TDRD1: variants seen among roughly 807,000 people sequenced by gnomAD.
TDRD1 encodes the protein tudor domain-containing protein 1.
In TDRD1, 37 loss-of-function variants were observed where a neutral mutation model predicts 140.6. The ratio of observed to expected loss-of-function variants is 0.26; its 90% confidence interval spans 0.20 to 0.35. The LOEUF (loss-of-function observed/expected upper bound fraction) is 0.35. TDRD1 is among the 10% of genes least tolerant of loss of function. The probability of loss-of-function intolerance (pLI) is 1.00; values close to 1 mark genes in which losing one functional copy is unlikely to be tolerated. For missense variants in TDRD1, 1,243 were observed against 1,393.0 expected, an observed-to-expected ratio of 0.89 and a Z score of 1.71; for synonymous variants, 506 against 475.7, an observed-to-expected ratio of 1.06 and a Z score of -0.83.
intron 3 of TDRD1, 72 bp from the exon 4 acceptor site, chr10:114,199,101 A>C: frequency 6.7e-7 from 1 of 1,495,198 alleles, no homozygotes. Flanking sequence ...TATCTGAAGT[A>C]GTCCCAAATC....
In TDRD1 at chr10:114,203,571, A is replaced by G; in HGVS notation, c.981+4A>G. 6.3e-7 allele frequency: 1 copy of G among 1,592,844 alleles called. No homozygotes were observed. Among genetic ancestry groups the G allele is most frequent in the Non-Finnish European group, 8.5e-7 (1 of 1,172,168 alleles). The stretch of plus-strand genomic sequence containing the variant: ...TGCCAAGTACACTGTTGATCAGGTA[A>G]CCTGTAATGAAATGAATTATTTAAA... On this transcript the variant is annotated splice_donor_region_variant and intron_variant, in intron 8 of 25. Transcript: ENST00000251864.
exon 9 of TDRD1, chr10:114,204,086 C>A: frequency 6.2e-7 from 1 of 1,605,046 alleles, no homozygotes; most frequent in Non-Finnish European, 8.5e-7. Flanking sequence ...TGGAACAGAG[C>A]AATCATACAA....
At chr10:114,201,551 A>T (rs373874402) in intron 5 of TDRD1, 36 bp downstream of exon 5, 30 of 1,562,754 alleles carry the variant, frequency 1.9e-5, no homozygotes, top group Non-Finnish European at 2.6e-5. Flanking sequence ...ATTAAGGATT[A>T]TGTAAAAGGT....
chr10:114,175,045 C>T (rs1051806973), upstream of TDRD1, among the ~76,000 whole-genome samples: 11 of 152,192 alleles, frequency 7.2e-5, no homozygotes, highest in Admixed American at 4.6e-4. Context: ...AAACTTACTA[C>T]TGTTCTGTTA....
chr10:114,183,700 C>CTTTTTT (rs374468967), intron 1 of TDRD1, among the ~76,000 whole-genome samples: 1 of 129,646 alleles, frequency 7.7e-6, no homozygotes, highest in African/African-American at 2.9e-5. Flanking sequence ...TCACAGTTAA[C>CTTTTTT]TTTTTTTTTT....
intron 21 of TDRD1, among the ~76,000 whole-genome samples, chr10:114,224,304 T>C (rs991639842): frequency 6.6e-6 from 1 of 152,088 alleles, no homozygotes; most frequent in Non-Finnish European, 1.5e-5. Context: ...TTATTCCGGA[T>C]TCCACAAACT....
At chr10:114,231,291 A>T (rs7476411) in intron 25 of TDRD1, among the ~76,000 whole-genome samples, 26,338 of 152,106 alleles carry the variant, frequency 0.17, 2,530 homozygotes, top group African/African-American at 0.24. Context: ...TGTGAAGGGG[A>T]GTATAAACAG....
chr10:114,206,907 C>T (rs978859637), intron 11 of TDRD1, among the ~76,000 whole-genome samples: 7 of 152,252 alleles, frequency 4.6e-5, no homozygotes, highest in Admixed American at 1.3e-4. Flanking sequence ...TGAGCCACTA[C>T]GCCCTGCCAA....
At chr10:114,188,083 A>G in exon 2 of TDRD1, 2 of 1,613,690 alleles carry the variant, frequency 1.2e-6, no homozygotes, top group Non-Finnish European at 1.7e-6. Flanking sequence ...AAGACAATTC[A>G]GTTTCTTCAA....
chr10:114,209,884 T>C (rs2133052591), intron 11 of TDRD1, among the ~76,000 whole-genome samples: 1 of 152,338 alleles, frequency 6.6e-6, no homozygotes, highest in East Asian at 1.9e-4. Flanking sequence ...CTTAAAACAG[T>C]AGTAGTTTTT....
chr10:114,224,904 G>A (rs1169716490), intron 21 of TDRD1, among the ~76,000 whole-genome samples: 1 of 152,194 alleles, frequency 6.6e-6, no homozygotes, highest in African/African-American at 2.4e-5. Context: ...CTGTATTTAA[G>A]ATGGGGCACT....
intron 15 of TDRD1, among the ~76,000 whole-genome samples, 180 bp downstream of exon 15, chr10:114,213,768 G>C (rs1473112213): frequency 1.3e-5 from 2 of 152,162 alleles, no homozygotes; most frequent in Non-Finnish European, 2.9e-5. Context: ...GAGTTTTATA[G>C]GTTGCCAGCA....
At chr10:114,183,509 A>G (rs1455481907) in intron 1 of TDRD1, among the ~76,000 whole-genome samples, 3 of 152,176 alleles carry the variant, frequency 2.0e-5, no homozygotes, top group Non-Finnish European at 4.4e-5. Context: ...GTTATTTATA[A>G]TGTAATATGT....
At chr10:114,218,183 TATCA>T (rs2035931815) in intron 17 of TDRD1, among the ~76,000 whole-genome samples, 1 of 152,250 alleles carries the variant, frequency 6.6e-6, no homozygotes, top group African/African-American at 2.4e-5. Flanking sequence ...CTTTAATTCA[TATCA>T]AATGTAAAAG....
At chr10:114,184,289 T>G (rs1233576614) in intron 1 of TDRD1, among the ~76,000 whole-genome samples, 1 of 152,248 alleles carries the variant, frequency 6.6e-6, no homozygotes. Context: ...CTGTATTGAT[T>G]GGCCTGCAAA....
chr10:114,182,747 G>A (rs142271164), intron 1 of TDRD1, among the ~76,000 whole-genome samples: 1,601 of 151,160 alleles, frequency 0.011, 17 homozygotes, highest in African/African-American at 0.037. Context: ...ATGCAGTGGC[G>A]TGATCTCAGC....
intron 11 of TDRD1, among the ~76,000 whole-genome samples, chr10:114,208,288 C>T (rs1256875391): frequency 6.6e-6 from 1 of 152,118 alleles, no homozygotes; most frequent in Non-Finnish European, 1.5e-5. Context: ...CCTTGAGATA[C>T]CTCTGGATTC....
At chr10:114,221,699 C>T (rs2036155583) in intron 20 of TDRD1, among the ~76,000 whole-genome samples, 2 of 152,192 alleles carry the variant, frequency 1.3e-5, no homozygotes, top group African/African-American at 4.8e-5. Flanking sequence ...GCCTGGTCTA[C>T]AGCTTTTTAT....
chr10:114,231,632 T>G (rs1455971569), exon 26 of TDRD1: 1 of 794,092 alleles, frequency 1.3e-6, no homozygotes, highest in Non-Finnish European at 1.9e-6. Flanking sequence ...TCCCTCCGTT[T>G]TTGCCTGCCT....
Sources: gnomAD v4.1 joint callset for allele counts (sites outside exome capture counted in the v4.1 genomes callset) on GRCh38, gnomAD v4.1.1 for gene constraint, MANE v1.5 for transcripts, NCBI Gene and HGNC (gene_info 2026-07-23, HGNC 2026-07-21) for gene names.